MGAT4C: variants seen among roughly 807,000 people sequenced by gnomAD.
The protein encoded by MGAT4C is MGAT4 family member C.
A neutral mutation model predicts 40.1 loss-of-function variants in MGAT4C; 19 were observed. The observed-to-expected ratio is 0.47, with a 90% confidence interval of 0.33 to 0.70. The LOEUF is 0.70. Ranked by LOEUF, MGAT4C falls within the 30% of genes least tolerant of loss-of-function variation. The pLI is 0.02. For synonymous variants in MGAT4C, 181 were observed against 187.1 expected, an observed-to-expected ratio of 0.97 and a Z score of 0.27; for missense variants, 491 against 563.2, an observed-to-expected ratio of 0.87 and a Z score of 1.30.
At chr12:86,100,281 TTTC>T (rs1288837911) in intron 1 of MGAT4C, among the ~76,000 whole-genome samples, 1 of 151,552 alleles carries the variant, frequency 6.6e-6, no homozygotes, top group African/African-American at 2.4e-5. Flanking sequence ...CTGTTTTTGC[TTTC>T]TTTTTTCATT....
Position 86,813,798 on chromosome 12 carries a change from C to A in MGAT4C, c.-262+24868G>T, listed in dbSNP as rs542214385. On this transcript the variant is annotated intron_variant, in intron 1 of 7. Transcript: ENST00000548651. The stretch of plus-strand genomic sequence containing the variant: ...GATTTTCCAATTTTACAAATCTTCT[C>A]TTCCATAAAATGTATTTCTCCATTT... 3.9e-5 allele frequency among the ~76,000 whole-genome samples: 6 copies of A among 152,230 alleles called. No individual in the cohort carries two copies. The South Asian group carries it at 1.2e-3, about 32-fold the overall frequency.
At chr12:86,248,474 C>A (rs1952135198) in intron 1 of MGAT4C, among the ~76,000 whole-genome samples, 1 of 151,674 alleles carries the variant, frequency 6.6e-6, no homozygotes, top group Non-Finnish European at 1.5e-5. Context: ...ATCCTATTTT[C>A]TACCCTCAGA....
intron 1 of MGAT4C, among the ~76,000 whole-genome samples, chr12:86,200,127 G>GTTTTTTTTTTTTT (rs56844963): frequency 2.9e-5 from 3 of 102,354 alleles, no homozygotes; most frequent in African/African-American, 9.7e-5. Context: ...GTATGTATTT[G>GTTTTTTTTTTTTT]TTTTTTTTTT....
chr12:86,308,278 C>T (rs1308224326), intron 4 of MGAT4C, among the ~76,000 whole-genome samples: 1 of 150,400 alleles, frequency 6.6e-6, no homozygotes, highest in Non-Finnish European at 1.5e-5. Context: ...AAAAGAATTT[C>T]CAAATACCTA....
intron 2 of MGAT4C, among the ~76,000 whole-genome samples, chr12:86,474,451 C>T (rs1957802954): frequency 6.6e-6 from 1 of 151,510 alleles, no homozygotes; most frequent in East Asian, 2.0e-4. Flanking sequence ...AGCACACCAG[C>T]ATGGCACATG....
intron 1 of MGAT4C, among the ~76,000 whole-genome samples, chr12:86,094,574 C>A (rs1277220787): frequency 2.6e-5 from 4 of 152,074 alleles, no homozygotes; most frequent in Admixed American, 6.6e-5. Context: ...GGCAGATATC[C>A]TAATCTTTTT....
rs117013004 is a variant in MGAT4C at position 86,777,619 on chromosome 12, T to C, written c.-261-50378A>G. ...CAGAGTTTCTCTTATTCAAGGGTGT[T>C]AGTTTTGGAAAACTAGAGAGCTGAG... On this transcript the variant is annotated intron_variant, in intron 1 of 7. Transcript: ENST00000548651. Among the ~76,000 whole-genome samples the C allele has an allele frequency of 4.6e-3, 697 of 152,302 alleles. 5 individuals are homozygous for C. The highest frequency in any genetic ancestry group is 0.027 in the Middle Eastern group (8 of 294).
chr12:86,659,645 G>C (rs1204370130), intron 2 of MGAT4C, among the ~76,000 whole-genome samples: 1 of 151,926 alleles, frequency 6.6e-6, no homozygotes, highest in African/African-American at 2.4e-5. Flanking sequence ...ATAACAAAAA[G>C]AACTAGGGTT....
chr12:86,657,415 T>TA (rs1963878112), intron 2 of MGAT4C, among the ~76,000 whole-genome samples: 1 of 151,636 alleles, frequency 6.6e-6, no homozygotes, highest in Non-Finnish European at 1.5e-5. Context: ...ATGAAAGAAG[T>TA]AAAAAAGGCC....
rs140621749 is a variant in MGAT4C at position 86,772,349 on chromosome 12, T to C, written c.-261-45108A>G. Among the ~76,000 whole-genome samples, 124 of 152,180 alleles carry C rather than the reference T, an allele frequency of 8.1e-4. 3 individuals carry two copies. The highest frequency in any genetic ancestry group is 1.8e-3 in the African/African-American group (74 of 41,538). On this transcript the variant is annotated intron_variant, in intron 1 of 7. Coordinates refer to the MGAT4C transcript ENST00000548651. ...CAGCTTGTACTGAAGAAAATAAAGA[T>C]GAAACAAAATAAACGGATGGAACAA... is the stretch of plus-strand genomic sequence containing the variant.
At chr12:86,691,624 A>G (rs1216427393) in intron 2 of MGAT4C, among the ~76,000 whole-genome samples, 1 of 45,698 alleles carries the variant, frequency 2.2e-5, no homozygotes, top group African/African-American at 4.6e-5. Flanking sequence ...TATACTAGCC[A>G]TCACCAGATG....
chr12:86,159,179 T>C (rs1424277362), intron 1 of MGAT4C, among the ~76,000 whole-genome samples: 1 of 152,138 alleles, frequency 6.6e-6, no homozygotes, highest in African/African-American at 2.4e-5. Context: ...GTGTCATGCA[T>C]AGCTGTTATC....
intron 3 of MGAT4C, among the ~76,000 whole-genome samples, chr12:86,365,097 C>T (rs555787226): frequency 7.9e-5 from 12 of 152,214 alleles, no homozygotes; most frequent in East Asian, 3.9e-4. Flanking sequence ...CCATAAAAGA[C>T]GGCCGCCCCC....
chr12:86,052,396 T>C (rs943059523), intron 1 of MGAT4C, among the ~76,000 whole-genome samples: 7 of 151,984 alleles, frequency 4.6e-5, no homozygotes, highest in Non-Finnish European at 8.8e-5. Flanking sequence ...AAATTCTACA[T>C]TAATATATAT....
At chr12:86,578,925 T>A (rs1960669527) in intron 2 of MGAT4C, among the ~76,000 whole-genome samples, 1 of 151,640 alleles carries the variant, frequency 6.6e-6, no homozygotes, top group Admixed American at 6.6e-5. Flanking sequence ...ATAGTGACCT[T>A]GTCTCTTATT....
intron 4 of MGAT4C, among the ~76,000 whole-genome samples, chr12:86,298,291 ATG>A (rs1457183864): frequency 6.6e-6 from 1 of 152,138 alleles, no homozygotes; most frequent in Non-Finnish European, 1.5e-5. Flanking sequence ...TACAATAAAA[ATG>A]TATTATTTTT....
intron 2 of MGAT4C, among the ~76,000 whole-genome samples, chr12:86,675,294 G>A (rs890920848): frequency 6.6e-6 from 1 of 152,032 alleles, no homozygotes; most frequent in South Asian, 2.1e-4. Flanking sequence ...CTCTCTCTTC[G>A]TAAAAAGAGG....
chr12:86,026,331 C>T (rs919643021), intron 2 of MGAT4C, among the ~76,000 whole-genome samples: 2 of 151,270 alleles, frequency 1.3e-5, no homozygotes, highest in African/African-American at 4.8e-5. Flanking sequence ...CATGCACATG[C>T]ACACACACAC....
chr12:86,145,414 G>T (rs1180123982), intron 1 of MGAT4C, among the ~76,000 whole-genome samples: 2 of 152,094 alleles, frequency 1.3e-5, no homozygotes. Context: ...AAATTGGGTT[G>T]TGCACAAAAC....
Sources: gnomAD v4.1 joint callset for allele counts (sites outside exome capture counted in the v4.1 genomes callset) on GRCh38, gnomAD v4.1.1 for gene constraint, MANE v1.5 for transcripts, NCBI Gene and HGNC (gene_info 2026-07-23, HGNC 2026-07-21) for gene names.